The following STARD9 variants were observed in gnomAD, a reference collection of about 807,000 sequenced individuals.
STARD9 encodes the protein StAR related lipid transfer domain containing 9, also known as stAR-related lipid transfer protein 9.
A neutral mutation model predicts 399.8 loss-of-function variants in STARD9; 346 were observed. The ratio of observed to expected loss-of-function variants is 0.87; its 90% CI spans 0.79 to 0.95. STARD9 has a LOEUF of 0.95. Among genes scored for constraint, STARD9 ranks in the 40% least tolerant of loss-of-function variants. The probability of loss-of-function intolerance (pLI) is 0.00; values close to 1 mark genes in which losing one functional copy is unlikely to be tolerated. For missense variants in STARD9, 5,832 were observed against 5,667.5 expected (o/e 1.03, Z -0.93); for synonymous variants, 2,203 against 2,143.5 (o/e 1.03, Z -0.77).
rs749951362 is a variant in STARD9 at position 42,687,176 on chromosome 15, T to C, written c.5598T>C (p.Cys1866=). The C allele has an allele frequency of 3.3e-6, 5 of 1,537,270 alleles. No individual in the cohort carries two copies. Among genetic ancestry groups the C allele is most frequent in the Non-Finnish European group, 4.4e-6 (5 of 1,146,952 alleles). Residue 1866 remains cysteine (C), a synonymous_variant, in exon 23 of 33, where the codon TGT becomes TGC. Coordinates refer to ENST00000290607, the MANE Select transcript of STARD9 (RefSeq NM_020759.3). The stretch of plus-strand genomic sequence containing the variant: ...TCCCCTCTACCAGCACAAAAGTATG[T>C]GAATTTGAAAACCAAGTTGTAATTT... ...HFLPSTSTKV[C]EFENQVVILN...
chr15:42,652,837 G>T (rs1410612308), intron 9 of STARD9, among the ~76,000 whole-genome samples: 2 of 151,972 alleles, frequency 1.3e-5, no homozygotes. Context: ...ACCATGCCCG[G>T]CTAATTATTT....
At chr15:42,614,236 G>A (rs1034773064) in intron 3 of STARD9, among the ~76,000 whole-genome samples, 2 of 151,900 alleles carry the variant, frequency 1.3e-5, no homozygotes, top group African/African-American at 2.4e-5. Flanking sequence ...ACTTGAACCT[G>A]GGAGGTGGAG....
In STARD9 at chr15:42,704,149, G is replaced by A. The variant is rs574436638; in HGVS notation, c.13284+8269G>A. Among the ~76,000 whole-genome samples the A allele has an allele frequency of 1.9e-3, 291 of 152,264 alleles. 7 individuals are homozygous for A. The South Asian group carries it at 0.037, about 20-fold the overall frequency. ...TGGTCTCGAACTCCTGACCTCAGGT[G>A]ATCTGCCTGCCTCGGCCTCCCAAAG... On this transcript the variant is annotated intron_variant, in intron 26 of 32. Transcript: ENST00000290607.
At chr15:42,631,911 T>G (rs1004239537) in intron 3 of STARD9, among the ~76,000 whole-genome samples, 40 of 152,330 alleles carry the variant, frequency 2.6e-4, no homozygotes, top group African/African-American at 9.4e-4. Flanking sequence ...GAATGTGTAT[T>G]CTGCAGCCAT....
In STARD9 at chr15:42,686,253, G is replaced by T; in HGVS notation, c.4675G>T (p.Ala1559Ser). The T allele has an allele frequency of 6.5e-7, 1 of 1,537,748 alleles. No individual in the cohort carries two copies. ...VHLSRIRRLR[A>S]EKEQDSLNAK... ...TCTGTCCAGAATCAGGCGTTTGAGG[G>T]CAGAGAAAGAACAGGACAGTTTAAA... The change falls in exon 23 of 33, where the codon GCA (alanine) becomes TCA (serine). Residue 1559 changes from alanine to serine, a missense_variant. Ala to Ser is a moderately conservative substitution (Grantham distance 99). Coordinates refer to ENST00000290607, the MANE Select transcript of STARD9 (RefSeq NM_020759.3).
chr15:42,682,105 C>G lies in STARD9; in HGVS notation c.2067C>G (p.Asn689Lys). The G allele has an allele frequency of 6.5e-7, 1 of 1,533,620 alleles. No homozygotes were observed. The highest frequency in any genetic ancestry group is 8.7e-7 in the Non-Finnish European group (1 of 1,144,496). The change falls in exon 22 of 33, where the codon AAC (asparagine) becomes AAG (lysine). Residue 689 changes from asparagine to lysine, a missense_variant and splice_region_variant. By Grantham distance (94) the Asn-to-Lys change is moderately conservative. This residue lies in a region of STARD9 where 5,828 missense variants were observed against 5,651.1 expected (regional missense o/e 1.03). Coordinates refer to ENST00000290607, the MANE Select transcript of STARD9 (RefSeq NM_020759.3). ...TCTCTGGGTGTTTTTGGTTCCCAGA[C>G]CAGCAGTGTCTGCTCAGAGAAGAGA... ...QAWISQQIKE[N>K]QQCLLREETW...
At chr15:42,623,473 T>C (rs1784945807) in intron 3 of STARD9, among the ~76,000 whole-genome samples, 1 of 152,228 alleles carries the variant, frequency 6.6e-6, no homozygotes, top group African/African-American at 2.4e-5. Flanking sequence ...TGAAAGGTTT[T>C]TCAAACCTCT....
chr15:42,635,580 C>T (rs1290686384), intron 4 of STARD9, among the ~76,000 whole-genome samples: 1 of 152,098 alleles, frequency 6.6e-6, no homozygotes, highest in African/African-American at 2.4e-5. Context: ...CTGCCCGCCT[C>T]GGCCTCCCAA....
Position 42,693,612 on chromosome 15 carries a change from C to G in STARD9, c.12034C>G (p.Gln4012Glu). 1 of 1,537,236 alleles carries G rather than the reference C, an allele frequency of 6.5e-7. No individual in the cohort carries two copies. The highest frequency in any genetic ancestry group is 8.7e-7 in the Non-Finnish European group (1 of 1,146,896). ...QLQPRTTIGV[Q>E]SRLLPPPLRH... ...TCAGCCCAGGACAACTATCGGGGTC[C>G]AAAGCAGACTGCTGCCACCACCACT... is the stretch of plus-strand genomic sequence containing the variant. Residue 4012 changes from glutamine to glutamate, a missense_variant, in exon 23 of 33, where the codon CAA becomes GAA. By Grantham distance (29) the Gln-to-Glu change is conservative (BLOSUM62 2). Coordinates refer to ENST00000290607, the MANE Select transcript of STARD9 (RefSeq NM_020759.3).
intron 9 of STARD9, among the ~76,000 whole-genome samples, chr15:42,653,820 C>T (rs999077607): frequency 1.3e-5 from 2 of 151,922 alleles, no homozygotes; most frequent in Non-Finnish European, 2.9e-5. Context: ...TAAAAAAAAC[C>T]TACATTCTTT....
Position 42,685,783 on chromosome 15 carries a change from G to T in STARD9, c.4205G>T (p.Ser1402Ile). 6.5e-7 allele frequency: 1 copy of T among 1,537,356 alleles called. No individual in the cohort carries two copies. The highest frequency in any genetic ancestry group is 8.7e-7 in the Non-Finnish European group (1 of 1,146,966). The stretch of plus-strand genomic sequence containing the variant: ...TATAGCTCCAAACTGCACCAAGGCA[G>T]TACTGAGCTCCTCTGCAGTGCAAGA... ...LPYSSKLHQG[S>I]TELLCSARDE... Residue 1402 changes from serine to isoleucine, a missense_variant, in exon 23 of 33, where the codon AGT becomes ATT. Physicochemically the swap from Ser to Ile is moderately radical, Grantham distance 142. Transcript: ENST00000290607.
At position 42,692,771 on chromosome 15, in the gene STARD9, T is replaced by G. The variant is rs1245879327; in HGVS notation, c.11193T>G (p.Thr3731=). The G allele has an allele frequency of 6.5e-7, 1 of 1,536,978 alleles. No individual in the cohort carries two copies. Among genetic ancestry groups the G allele is most frequent in the Admixed American group, 2.0e-5 (1 of 50,976 alleles). The change falls in exon 23 of 33, where the codon ACT becomes ACG. Residue 3731 remains threonine (T), a synonymous_variant. Transcript: ENST00000290607. ...ALMMDGSTQT[T]VDEGSQTDLT... ...TGATGGATGGCTCTACTCAGACCAC[T>G]GTGGATGAGGGCAGCCAGACTGACC...
intron 3 of STARD9, among the ~76,000 whole-genome samples, chr15:42,601,583 C>A (rs2058631578): frequency 6.6e-6 from 1 of 150,896 alleles, no homozygotes; most frequent in Non-Finnish European, 1.5e-5. Context: ...GGGCTGCCCC[C>A]CCACCTCCCG....
chr15:42,580,150 A>G (rs1263726781), intron 1 of STARD9, among the ~76,000 whole-genome samples: 1 of 152,238 alleles, frequency 6.6e-6, no homozygotes, highest in African/African-American at 2.4e-5. Flanking sequence ...CTATAATACC[A>G]AAGACAGAAG....
intron 20 of STARD9, among the ~76,000 whole-genome samples, chr15:42,679,652 C>A (rs771728848): frequency 1.3e-5 from 2 of 152,200 alleles, no homozygotes; most frequent in Non-Finnish European, 2.9e-5. Flanking sequence ...CAAACATTTT[C>A]TGTAAAAGGC....
intron 20 of STARD9, among the ~76,000 whole-genome samples, chr15:42,678,323 C>T (rs904261819): frequency 5.3e-5 from 8 of 152,316 alleles, no homozygotes; most frequent in African/African-American, 1.2e-4. Flanking sequence ...CCCTTTATTC[C>T]AGGTTTCCTT....
intron 3 of STARD9, among the ~76,000 whole-genome samples, chr15:42,622,682 G>T (rs1234600193): frequency 6.6e-6 from 1 of 152,154 alleles, no homozygotes; most frequent in Non-Finnish European, 1.5e-5. Context: ...TTGTAACTAT[G>T]AACTTTCCAA....
Position 42,718,926 on chromosome 15 carries a change from C to T in STARD9, c.14001+16C>T, listed in dbSNP as rs1406938357. On this transcript the variant is annotated intron_variant, in intron 32 of 32. Transcript: ENST00000290607. ...CTTGGCCCAGGTGATAAATCCTTTG[C>T]AGCTGGCCTCACAGCACAGGCTGAC... 29 of 1,536,162 alleles carry T rather than the reference C, an allele frequency of 1.9e-5. No homozygotes were observed. The highest frequency in any genetic ancestry group is 2.4e-5 in the Non-Finnish European group (27 of 1,146,078).
rs953705741 is a variant in STARD9, at chr15:42,649,034, A to AT, written c.560-1973dup. Among the ~76,000 whole-genome samples, 9 of 149,740 alleles carry AT rather than the reference A, an allele frequency of 6.0e-5. No homozygotes were observed. The East Asian group carries it at 1.2e-3, about 20-fold the overall frequency. Reference sequence around the variant, plus strand: ...TTACAGGTGTGCACACCTAGCCTCCATTTTTTTTTCTTTGAGATGGAGCCT... The same window carrying AT: ...TTACAGGTGTGCACACCTAGCCTCCATTTTTTTTTTCTTTGAGATGGAGCCT... On this transcript the variant is annotated intron_variant, in intron 7 of 32. Transcript: ENST00000290607.
Sources: gnomAD v4.1 joint callset for allele counts (sites outside exome capture counted in the v4.1 genomes callset) on GRCh38, gnomAD v4.1.1 for gene constraint, gnomAD v4.1.1 regional missense constraint, MANE v1.5 for transcripts, NCBI Gene and HGNC (gene_info 2026-07-23, HGNC 2026-07-21) for gene names.